Variants in KSR2 observed in about 807,000 individuals in gnomAD.
The protein encoded by KSR2 is kinase suppressor of ras 2.
KSR2 carries 25 observed loss-of-function variants against 107.8 expected under a neutral mutation model. That is an observed-to-expected ratio of 0.23 (90% CI 0.17 to 0.32). KSR2 has a LOEUF of 0.32. KSR2 is among the 10% of genes least tolerant of loss of function. The pLI, the probability that KSR2 is intolerant of heterozygous loss-of-function variation, is 1.00. For missense variants in KSR2, 887 were observed against 1,268.9 expected, an observed-to-expected ratio of 0.70 and a Z score of 4.57; for synonymous variants, 480 against 507.0, an observed-to-expected ratio of 0.95 and a Z score of 0.71.
chr12:117,920,988 T>G (rs1379595656), intron 1 of KSR2, among the ~76,000 whole-genome samples: 1 of 152,194 alleles, frequency 6.6e-6, no homozygotes, highest in Admixed American at 6.6e-5. Flanking sequence ...TTAGTCTTGA[T>G]ACTAGTATTT....
At chr12:117,722,304 G>T (rs1887241341) in intron 4 of KSR2, among the ~76,000 whole-genome samples, 1 of 152,220 alleles carries the variant, frequency 6.6e-6, no homozygotes, top group Non-Finnish European at 1.5e-5. Context: ...GAGGATATCA[G>T]ATGTGTGTGA....
intron 1 of KSR2, among the ~76,000 whole-genome samples, chr12:117,961,783 C>T (rs117136672): frequency 7.9e-5 from 12 of 151,910 alleles, no homozygotes; most frequent in Non-Finnish European, 1.3e-4. Flanking sequence ...GTTTTCCAAA[C>T]GAAATTAAGT....
chr12:117,613,186 T>C (rs1881698582), intron 5 of KSR2, among the ~76,000 whole-genome samples: 4 of 152,222 alleles, frequency 2.6e-5, no homozygotes, highest in Admixed American at 2.6e-4. Flanking sequence ...CTCTCATACT[T>C]CCCTAGTGGG....
intron 9 of KSR2, among the ~76,000 whole-genome samples, chr12:117,546,646 T>C (rs994371912): frequency 6.6e-6 from 1 of 152,332 alleles, no homozygotes; most frequent in Non-Finnish European, 1.5e-5. Flanking sequence ...GGGTCCTTGA[T>C]ACTCTGCTCA....
chr12:117,880,713 CTTTTTTT>C (rs545456495), intron 1 of KSR2, among the ~76,000 whole-genome samples: 5 of 116,728 alleles, frequency 4.3e-5, no homozygotes, highest in Non-Finnish European at 6.9e-5. Flanking sequence ...TTGCCAGATT[CTTTTTTT>C]TTTTTTTTTT....
At chr12:117,590,014 G>A (rs578095161) in intron 5 of KSR2, among the ~76,000 whole-genome samples, 1 of 152,302 alleles carries the variant, frequency 6.6e-6, no homozygotes, top group South Asian at 2.1e-4. Flanking sequence ...TAAGGCAGAG[G>A]GGACTGACAG....
At chr12:117,942,781 T>A (rs1283156045) in intron 1 of KSR2, among the ~76,000 whole-genome samples, 1 of 152,066 alleles carries the variant, frequency 6.6e-6, no homozygotes, top group Non-Finnish European at 1.5e-5. Context: ...ATTACAGGCA[T>A]GAACTACCCC....
intron 4 of KSR2, among the ~76,000 whole-genome samples, chr12:117,751,731 C>T (rs565067548): frequency 6.6e-6 from 1 of 152,254 alleles, no homozygotes; most frequent in East Asian, 1.9e-4. Flanking sequence ...TCACTTTGTA[C>T]CAAACTGCCA....
chr12:117,577,251 TA>T (rs1447698279), intron 7 of KSR2, among the ~76,000 whole-genome samples: 2 of 152,220 alleles, frequency 1.3e-5, no homozygotes, highest in African/African-American at 4.8e-5. Context: ...ATGACTTCTA[TA>T]AAGCAAACAG....
rs190048391 is a variant in KSR2 at position 117,772,089 on chromosome 12, A to C, written c.473-10565T>G. ...CACGCCGTTCCCCCAAAGACACAAA[A>C]ACACACACACATACACACCTTTCCC... is the stretch of plus-strand genomic sequence containing the variant. On this transcript the variant is annotated intron_variant, in intron 3 of 19. Transcript: ENST00000339824. Among the ~76,000 whole-genome samples the C allele has an allele frequency of 5.0e-3, 693 of 138,968 alleles. 5 individuals carry two copies. The highest frequency in any genetic ancestry group is 0.018 in the African/African-American group (641 of 36,518). 91.2% of individuals were successfully genotyped at this position (138,968 alleles called of 152,430 possible).
At chr12:117,799,499 CA>C (rs563003278) in intron 3 of KSR2, among the ~76,000 whole-genome samples, 140 of 124,418 alleles carry the variant, frequency 1.1e-3, no homozygotes, top group South Asian at 1.0e-3. Flanking sequence ...AAGACTCCAC[CA>C]AAAAAAAAAA....
chr12:117,793,568 C>T (rs1378739585), intron 3 of KSR2, among the ~76,000 whole-genome samples: 2 of 148,554 alleles, frequency 1.3e-5, no homozygotes, highest in Non-Finnish European at 3.0e-5. Flanking sequence ...CACCAACATG[C>T]ACACACCTTT....
At chr12:117,623,371 T>C (rs1309657444) in intron 5 of KSR2, among the ~76,000 whole-genome samples, 3 of 152,170 alleles carry the variant, frequency 2.0e-5, no homozygotes, top group African/African-American at 7.2e-5. Flanking sequence ...CCTAATGCTA[T>C]CCCTCCCCCA....
chr12:117,813,600 C>A (rs950651202), intron 3 of KSR2, among the ~76,000 whole-genome samples: 60 of 152,186 alleles, frequency 3.9e-4, no homozygotes, highest in Admixed American at 3.2e-3. Context: ...TCATCTCACA[C>A]CAGTTAGAAT....
chr12:117,859,094 G>C (rs113874488), intron 2 of KSR2, among the ~76,000 whole-genome samples: 1 of 151,348 alleles, frequency 6.6e-6, no homozygotes, highest in African/African-American at 2.4e-5. Flanking sequence ...ACAGTAACAG[G>C]CTGGCATCTA....
At chr12:117,711,421 T>C (rs1886775149) in intron 4 of KSR2, among the ~76,000 whole-genome samples, 1 of 152,238 alleles carries the variant, frequency 6.6e-6, no homozygotes, top group Non-Finnish European at 1.5e-5. Flanking sequence ...AAGACCAATG[T>C]GGCTGAAGCT....
At chr12:117,928,286 A>G (rs572666399) in intron 1 of KSR2, among the ~76,000 whole-genome samples, 3 of 151,610 alleles carry the variant, frequency 2.0e-5, no homozygotes, top group Non-Finnish European at 4.4e-5. Flanking sequence ...GGGCTCAAGC[A>G]ATCTTCCCAC....
chr12:117,873,284 G>T (rs1233198431), intron 1 of KSR2, among the ~76,000 whole-genome samples: 1 of 150,100 alleles, frequency 6.7e-6, no homozygotes, highest in East Asian at 2.0e-4. Context: ...GGCGGAGGTT[G>T]CAGTGAGCCG....
At chr12:117,624,944 G>A (rs1442226049) in intron 5 of KSR2, among the ~76,000 whole-genome samples, 1 of 152,118 alleles carries the variant, frequency 6.6e-6, no homozygotes, top group Admixed American at 6.6e-5. Context: ...GGATTCCTAG[G>A]TATTTTATTC....
Sources: gnomAD v4.1 joint callset for allele counts (sites outside exome capture counted in the v4.1 genomes callset) on GRCh38, gnomAD v4.1.1 for gene constraint, MANE v1.5 for transcripts, NCBI Gene and HGNC (gene_info 2026-07-23, HGNC 2026-07-21) for gene names.